NRXN1: variants seen among roughly 807,000 people sequenced by gnomAD.
NRXN1 encodes neurexin-1.
NRXN1 carries 39 observed loss-of-function variants against 150.9 expected under a neutral mutation model. That is an observed-to-expected ratio of 0.26 (90% CI 0.20 to 0.34). The LOEUF is 0.34. Among genes scored for constraint, NRXN1 ranks in the 10% least tolerant of loss-of-function variants. The pLI is 1.00. For synonymous variants in NRXN1, 924 were observed against 757.0 expected, an observed-to-expected ratio of 1.22 and a Z score of -3.62; for missense variants, 1,815 against 1,949.9, an observed-to-expected ratio of 0.93 and a Z score of 1.30.
At position 50,005,082 on chromosome 2, in the gene NRXN1, GTCTT is replaced by G. The variant is rs377096637; in HGVS notation, c.4128+48185_4128+48188del. Among the ~76,000 whole-genome samples the G allele has an allele frequency of 2.4e-4, 36 of 152,160 alleles. No individual in the cohort carries two copies. In the East Asian group the frequency reaches 5.8e-3, roughly 25 times the overall value. On this transcript the variant is annotated intron_variant, in intron 21 of 22. Coordinates refer to ENST00000401669, the MANE Select transcript of NRXN1 (RefSeq NM_001330078.2). Reference sequence around the variant, plus strand: ...AATAACAAATATTCATGAAACCACTGTCTTTCTTTTTCAGCTCATTATTGAATAT... The same window carrying G: ...AATAACAAATATTCATGAAACCACTGTCTTTTTCAGCTCATTATTGAATAT...
chr2:50,043,045 T>G (rs937820298), intron 21 of NRXN1, among the ~76,000 whole-genome samples: 13 of 152,144 alleles, frequency 8.5e-5, no homozygotes, highest in Non-Finnish European at 1.6e-4. Flanking sequence ...AAGTGGGAAG[T>G]TGCATTTTGA....
intron 18 of NRXN1, among the ~76,000 whole-genome samples, chr2:50,107,517 C>CTATATATATATATATATATA (rs1333614060): frequency 2.4e-5 from 3 of 123,818 alleles, no homozygotes; most frequent in African/African-American, 9.6e-5. Context: ...ACATTCCAGA[C>CTATATATATATATATATATA]TACATATATA....
chr2:50,543,982 T>C (rs1363048008), intron 9 of NRXN1, among the ~76,000 whole-genome samples: 1 of 152,134 alleles, frequency 6.6e-6, no homozygotes, highest in Non-Finnish European at 1.5e-5. Flanking sequence ...GATAGATCTG[T>C]TAGGCTTCAA....
intron 18 of NRXN1, among the ~76,000 whole-genome samples, chr2:50,189,995 T>C (rs1379936075): frequency 1.3e-5 from 2 of 152,150 alleles, no homozygotes; most frequent in African/African-American, 2.4e-5. Context: ...GGTATGAGAT[T>C]AGTAGCAAAA....
intron 5 of NRXN1, among the ~76,000 whole-genome samples, chr2:50,769,006 A>G (rs2105435975): frequency 6.6e-6 from 1 of 152,184 alleles, no homozygotes. Flanking sequence ...TCAGCTACCC[A>G]GCTTCCTGGG....
At chr2:50,919,547 C>T (rs1685694900) in intron 5 of NRXN1, 1 of 151,168 alleles carries the variant, frequency 6.6e-6, no homozygotes. Context: ...TTCCAGATCC[C>T]CTGAATTCAC....
intron 19 of NRXN1, among the ~76,000 whole-genome samples, chr2:50,068,061 C>T (rs544070630): frequency 4.6e-5 from 7 of 152,204 alleles, no homozygotes; most frequent in South Asian, 2.1e-4. Flanking sequence ...AATGGAACTG[C>T]GAAAGTTCCC....
At chr2:49,996,725 C>T (rs1359552527) in intron 21 of NRXN1, among the ~76,000 whole-genome samples, 2 of 152,152 alleles carry the variant, frequency 1.3e-5, no homozygotes, top group Non-Finnish European at 2.9e-5. Flanking sequence ...GACAAGGTAA[C>T]ATATTCTCCC....
rs144853228 is a variant in NRXN1 at position 51,018,946 on chromosome 2, C to T, written c.772+8556G>A. Among the ~76,000 whole-genome samples, 66 of 152,090 alleles carry T rather than the reference C, an allele frequency of 4.3e-4. 1 individual carries two copies. The highest frequency in any genetic ancestry group is 1.5e-3 in the African/African-American group (64 of 41,522). ...TTAACAAAGGAAGCAAATAAACAAG[C>T]GTTATGAAAACAAAGAGTGATGAAT... On this transcript the variant is annotated intron_variant, in intron 2 of 22. Coordinates refer to ENST00000401669, the MANE Select transcript of NRXN1 (RefSeq NM_001330078.2).
chr2:50,084,293 G>A (rs868469250), intron 19 of NRXN1, among the ~76,000 whole-genome samples: 5 of 152,164 alleles, frequency 3.3e-5, no homozygotes, highest in Non-Finnish European at 7.4e-5. Context: ...AGCCCGTGGC[G>A]GGGGGACACT....
intron 22 of NRXN1, among the ~76,000 whole-genome samples, chr2:49,924,537 T>C (rs2104043162): frequency 6.6e-6 from 1 of 152,324 alleles, no homozygotes; most frequent in East Asian, 1.9e-4. Context: ...ACAGCAACTT[T>C]GTGTTAAAAT....
intron 5 of NRXN1, among the ~76,000 whole-genome samples, chr2:50,729,687 G>A (rs1025640741): frequency 1.3e-5 from 2 of 152,132 alleles, no homozygotes; most frequent in African/African-American, 4.8e-5. Flanking sequence ...CACCCTCTCA[G>A]CACAAAGAAC....
At chr2:50,674,118 A>C (rs1689229743) in intron 5 of NRXN1, among the ~76,000 whole-genome samples, 1 of 152,132 alleles carries the variant, frequency 6.6e-6, no homozygotes, top group Admixed American at 6.6e-5. Flanking sequence ...AAAGTAACTC[A>C]TTAAAATAAT....
intron 5 of NRXN1, chr2:50,917,610 G>A (rs908828383): frequency 6.6e-6 from 1 of 151,550 alleles, no homozygotes; most frequent in African/African-American, 2.4e-5. Flanking sequence ...CTTTATGAAT[G>A]GGATTGCTGT....
At chr2:50,988,254 C>T (rs113344168) in intron 2 of NRXN1, among the ~76,000 whole-genome samples, 3 of 151,870 alleles carry the variant, frequency 2.0e-5, no homozygotes, top group African/African-American at 7.2e-5. Context: ...AGATCATTTT[C>T]TTTTTAAGGT....
At chr2:50,698,603 T>C (rs966672213) in intron 5 of NRXN1, among the ~76,000 whole-genome samples, 10 of 152,334 alleles carry the variant, frequency 6.6e-5, no homozygotes, top group African/African-American at 2.2e-4. Context: ...CTAATACATA[T>C]ACATAACCTA....
intron 21 of NRXN1, among the ~76,000 whole-genome samples, chr2:49,965,440 G>A (rs894277682): frequency 6.6e-6 from 1 of 151,644 alleles, no homozygotes; most frequent in Non-Finnish European, 1.5e-5. Context: ...CTAATTTTTT[G>A]TATTTTTAGT....
chr2:50,464,815 C>G (rs1197972760), intron 17 of NRXN1, among the ~76,000 whole-genome samples: 1 of 151,794 alleles, frequency 6.6e-6, no homozygotes, highest in Non-Finnish European at 1.5e-5. Context: ...ATCTTCAAAC[C>G]CTCACTGCTG....
At chr2:50,989,304 G>C (rs1698190203) in intron 2 of NRXN1, among the ~76,000 whole-genome samples, 1 of 151,896 alleles carries the variant, frequency 6.6e-6, no homozygotes. Context: ...ATTTGAGTGA[G>C]AATACAATTG....
Sources: allele counts gnomAD v4.1 joint callset (sites outside exome capture counted in the v4.1 genomes callset), GRCh38; gene constraint gnomAD v4.1.1; transcripts MANE v1.5; gene names NCBI Gene and HGNC (gene_info 2026-07-23, HGNC 2026-07-21).